The following DTD1 variants were observed in gnomAD, a reference collection of about 807,000 sequenced individuals.
DTD1 encodes D-aminoacyl-tRNA deacylase 1, also known as D-tyrosyl-tRNA deacylase 1 homolog.
DTD1 carries 13 observed loss-of-function variants against 25.6 expected under a neutral mutation model. The ratio of observed to expected loss-of-function variants is 0.51; its 90% CI spans 0.33 to 0.81. The LOEUF is 0.81. Among genes scored for constraint, DTD1 ranks in the 30% least tolerant of loss-of-function variants. DTD1 has a pLI of 0.02. For synonymous variants in DTD1, 110 were observed against 103.6 expected (o/e 1.06, Z -0.37); for missense variants, 193 against 266.4 (o/e 0.72, Z 1.92).
At chr20:18,723,380 A>G (rs1169641329) in intron 4 of DTD1, among the ~76,000 whole-genome samples, 1 of 152,256 alleles carries the variant, frequency 6.6e-6, no homozygotes, top group Admixed American at 6.5e-5. Flanking sequence ...GCTCCATACC[A>G]GTGAGATAGA....
chr20:18,599,818 G>C (rs2060626212), intron 3 of DTD1, among the ~76,000 whole-genome samples: 1 of 152,102 alleles, frequency 6.6e-6, no homozygotes, highest in African/African-American at 2.4e-5. Flanking sequence ...TATCATCTTT[G>C]GTGAGGTATC....
chr20:18,656,430 G>C (rs1169476052), intron 4 of DTD1, among the ~76,000 whole-genome samples: 1 of 152,188 alleles, frequency 6.6e-6, no homozygotes, highest in African/African-American at 2.4e-5. Flanking sequence ...TCCATCTGTT[G>C]ACTCAGGAAT....
intron 4 of DTD1, among the ~76,000 whole-genome samples, chr20:18,703,559 C>T (rs757977365): frequency 4.6e-5 from 7 of 151,968 alleles, no homozygotes; most frequent in Non-Finnish European, 5.9e-5. Flanking sequence ...TAAACTTTCT[C>T]GGTATTTTCC....
chr20:18,727,895 G>A (rs1998122), intron 4 of DTD1, among the ~76,000 whole-genome samples: 47,204 of 152,104 alleles, frequency 0.31, 8,119 homozygotes, highest in South Asian at 0.43. Context: ...CCCACCTAGC[G>A]GTGGATGGGC....
At position 18,683,625 on chromosome 20, in the gene DTD1, T is replaced by C. The variant is rs1037191758; in HGVS notation, c.477+55392T>C. ...AGACACTTCCAAAGTCCTATCTGAG[T>C]GTGGATCATAGGGCCCAACAGGCTT... On this transcript the variant is annotated intron_variant, in intron 4 of 5. Coordinates refer to ENST00000377452, the MANE Select transcript of DTD1 (RefSeq NM_080820.6). 2.0e-5 allele frequency among the ~76,000 whole-genome samples: 3 copies of C among 152,172 alleles called. No individual in the cohort carries two copies. The East Asian group carries it at 5.8e-4, about 29-fold the overall frequency.
rs189208248 is a variant in DTD1, at chr20:18,712,935, A to T, written c.478-31165A>T. Reference sequence around the variant, plus strand: ...ATCAGAGGCATCTGGCAAGGCTCTCATGGTTTGACTGTCACCAGATCTCTC... The same window carrying T: ...ATCAGAGGCATCTGGCAAGGCTCTCTTGGTTTGACTGTCACCAGATCTCTC... On this transcript the variant is annotated intron_variant, in intron 4 of 5. Transcript: ENST00000377452. 3.9e-5 allele frequency among the ~76,000 whole-genome samples: 6 copies of T among 152,328 alleles called. No individual in the cohort carries two copies. The East Asian group carries it at 1.2e-3, about 29-fold the overall frequency.
At chr20:18,622,832 G>A (rs961816506) in intron 3 of DTD1, among the ~76,000 whole-genome samples, 1 of 151,852 alleles carries the variant, frequency 6.6e-6, no homozygotes, top group Non-Finnish European at 1.5e-5. Context: ...TTCCTTGGCT[G>A]TTGCCAAGGA....
chr20:18,588,184 G>T (rs2060573660), intron 1 of DTD1, 69 bp downstream of exon 1: 1 of 1,197,108 alleles, frequency 8.4e-7, no homozygotes, highest in Non-Finnish European at 1.0e-6. Flanking sequence ...CTTGCGTGGG[G>T]GGTCTTCCTG....
intron 4 of DTD1, among the ~76,000 whole-genome samples, chr20:18,740,219 A>C (rs1017960583): frequency 6.6e-6 from 1 of 150,962 alleles, no homozygotes; most frequent in South Asian, 2.1e-4. Context: ...AGTGAAGAAC[A>C]GGCTGGGTCA....
chr20:18,631,153 C>A (rs374607138), intron 4 of DTD1: 2 of 985,390 alleles, frequency 2.0e-6, no homozygotes, highest in Non-Finnish European at 1.2e-6. Flanking sequence ...TCTCTATCCC[C>A]CTTCTGCCAC....
At chr20:18,619,844 A>G (rs1488986577) in intron 3 of DTD1, among the ~76,000 whole-genome samples, 4 of 152,182 alleles carry the variant, frequency 2.6e-5, no homozygotes, top group African/African-American at 7.2e-5. Flanking sequence ...GTATTTACTA[A>G]ATGGCTTCCC....
intron 5 of DTD1, among the ~76,000 whole-genome samples, chr20:18,760,421 T>A (rs1174318714): frequency 1.3e-5 from 2 of 152,234 alleles, no homozygotes; most frequent in Non-Finnish European, 2.9e-5. Context: ...TTGGTGTGGA[T>A]GTCCTTTCTG....
chr20:18,709,660 A>G (rs2061150676), intron 4 of DTD1, among the ~76,000 whole-genome samples: 1 of 152,158 alleles, frequency 6.6e-6, no homozygotes, highest in African/African-American at 2.4e-5. Flanking sequence ...TTTTTTTATC[A>G]GAGTGCCAGG....
chr20:18,620,011 A>T (rs1045150482), intron 3 of DTD1: 1 of 151,610 alleles, frequency 6.6e-6, no homozygotes, highest in African/African-American at 2.4e-5. Flanking sequence ...CACTGAAAAA[A>T]TTTCATTTCT....
At chr20:18,614,344 G>A (rs778134919) in intron 3 of DTD1, among the ~76,000 whole-genome samples, 1 of 152,186 alleles carries the variant, frequency 6.6e-6, no homozygotes, top group Non-Finnish European at 1.5e-5. Flanking sequence ...TATCCTGAAT[G>A]CATTGTGTAA....
intron 4 of DTD1, among the ~76,000 whole-genome samples, chr20:18,712,473 C>T (rs1600385850): frequency 6.6e-6 from 1 of 152,042 alleles, no homozygotes; most frequent in South Asian, 2.1e-4. Context: ...TGTCCTTGCT[C>T]CCGCAGTGGT....
intron 4 of DTD1, among the ~76,000 whole-genome samples, chr20:18,697,166 A>G (rs2061081056): frequency 6.6e-6 from 1 of 151,654 alleles, no homozygotes; most frequent in Non-Finnish European, 1.5e-5. Context: ...TGGGAGGCGG[A>G]GCTTGCAGTG....
chr20:18,677,358 AT>A (rs1263856968), intron 4 of DTD1, among the ~76,000 whole-genome samples: 2 of 151,682 alleles, frequency 1.3e-5, no homozygotes, highest in Non-Finnish European at 1.5e-5. Flanking sequence ...GCTCTGAGTT[AT>A]GTAGGGAACA....
intron 4 of DTD1, among the ~76,000 whole-genome samples, chr20:18,686,355 T>C (rs2061016461): frequency 6.6e-6 from 1 of 152,262 alleles, no homozygotes; most frequent in Non-Finnish European, 1.5e-5. Context: ...CCCTTGCACA[T>C]CTATTTTTGC....
Sources: gnomAD v4.1 joint callset for allele counts (sites outside exome capture counted in the v4.1 genomes callset) on GRCh38, gnomAD v4.1.1 for gene constraint, MANE v1.5 for transcripts, NCBI Gene and HGNC (gene_info 2026-07-23, HGNC 2026-07-21) for gene names.